The following ADARB2 variants were observed in gnomAD, a reference collection of about 807,000 sequenced individuals.
ADARB2 encodes inactive double-stranded RNA-specific editase B2.
In ADARB2, 25 loss-of-function variants were observed where a neutral mutation model predicts 62.2. The ratio of observed to expected loss-of-function variants is 0.40; its 90% CI spans 0.29 to 0.56. The LOEUF is 0.56. Ranked by LOEUF, ADARB2 falls within the 20% of genes least tolerant of loss-of-function variation. The pLI, the probability that ADARB2 is intolerant of heterozygous loss-of-function variation, is 0.43. For synonymous variants in ADARB2, 572 were observed against 500.8 expected, an observed-to-expected ratio of 1.14 and a Z score of -1.90; for missense variants, 1,071 against 1,077.4, an observed-to-expected ratio of 0.99 and a Z score of 0.08.
At chr10:1,674,708 C>CA (rs1834439352) in intron 1 of ADARB2, among the ~76,000 whole-genome samples, 1 of 152,184 alleles carries the variant, frequency 6.6e-6, no homozygotes, top group African/African-American at 2.4e-5. Context: ...ACCTTCCACT[C>CA]ACTCATCAAC....
At chr10:1,271,908 T>C (rs893736869) in intron 3 of ADARB2, among the ~76,000 whole-genome samples, 6 of 152,232 alleles carry the variant, frequency 3.9e-5, no homozygotes, top group Admixed American at 3.3e-4. Flanking sequence ...GTTCTGCCAC[T>C]CAGGAGCCTG....
intron 3 of ADARB2, among the ~76,000 whole-genome samples, chr10:1,345,371 C>T (rs1832071538): frequency 6.6e-6 from 1 of 152,206 alleles, no homozygotes; most frequent in Non-Finnish European, 1.5e-5. Flanking sequence ...TTGCTCCGGA[C>T]ACCCAGCTGG....
intron 1 of ADARB2, among the ~76,000 whole-genome samples, chr10:1,468,894 G>T (rs925380039): frequency 2.0e-5 from 3 of 152,026 alleles, no homozygotes; most frequent in African/African-American, 7.3e-5. Flanking sequence ...GAAGAAGCCT[G>T]CAGGATCCAC....
Position 1,203,218 on chromosome 10 carries a change from T to C in ADARB2, c.1683-3071A>G, listed in dbSNP as rs533460620. 7.1e-4 allele frequency among the ~76,000 whole-genome samples: 108 copies of C among 152,304 alleles called. 1 individual carries two copies. Among genetic ancestry groups the C allele is most frequent in the Admixed American group, 2.3e-3 (35 of 15,312 alleles). ...TATATTTTTGTCTCTTTGTCAGTCA[T>C]TGAAATACCACAGATAAGTGGGGAA... On this transcript the variant is annotated intron_variant, in intron 7 of 9. Transcript: ENST00000381312.
chr10:1,556,827 G>A (rs754704953), intron 1 of ADARB2: 2 of 534,308 alleles, frequency 3.7e-6, no homozygotes, highest in Admixed American at 3.9e-5. Flanking sequence ...GCAGACACTT[G>A]CTCTGCTGCA....
intron 3 of ADARB2, among the ~76,000 whole-genome samples, chr10:1,314,581 G>A (rs987325084): frequency 3.3e-5 from 5 of 152,174 alleles, no homozygotes; most frequent in African/African-American, 4.8e-5. Flanking sequence ...CCTTCCGGCC[G>A]CTTCTGACCC....
At chr10:1,467,180 ACT>A (rs901301541) in intron 1 of ADARB2, among the ~76,000 whole-genome samples, 2 of 151,982 alleles carry the variant, frequency 1.3e-5, no homozygotes, top group Admixed American at 6.6e-5. Flanking sequence ...CATGGCAGTC[ACT>A]CTGTTTCTAT....
At position 1,737,421 on chromosome 10, in the gene ADARB2, C is replaced by T. The variant is rs1392246064; in HGVS notation, c.-271G>A. On this transcript the variant is annotated 5_prime_UTR_variant, in exon 1 of 10. Transcript: ENST00000381312. The stretch of plus-strand genomic sequence containing the variant: ...GAGGGCGGGGAAGGGCGCGCGGCGT[C>T]CTGAGTGCTCCGAGCTTCCCGCGGG... The T allele has an allele frequency of 2.2e-6, 1 of 453,110 alleles. No homozygotes were observed. The highest frequency in any genetic ancestry group is 4.0e-6 in the Non-Finnish European group (1 of 250,370). The allele number at this position is 453,110 out of a possible 1,614,324, so 28.1% of individuals were successfully genotyped here.
chr10:1,419,374 C>T (rs1832834197), intron 1 of ADARB2, among the ~76,000 whole-genome samples: 1 of 152,092 alleles, frequency 6.6e-6, no homozygotes, highest in Non-Finnish European at 1.5e-5. Context: ...GAATCTACTC[C>T]CAATTTAATA....
intron 1 of ADARB2, among the ~76,000 whole-genome samples, chr10:1,639,968 GGAACCACTCA>G (rs1833961176): frequency 6.6e-6 from 1 of 152,156 alleles, no homozygotes; most frequent in African/African-American, 2.4e-5. Flanking sequence ...GGTTCTTTGT[GGAACCACTCA>G]GAAAAAAACT....
chr10:1,263,895 C>G (rs934235730), intron 4 of ADARB2, among the ~76,000 whole-genome samples: 1 of 152,164 alleles, frequency 6.6e-6, no homozygotes, highest in Non-Finnish European at 1.5e-5. Flanking sequence ...TTCTTTTCCT[C>G]TCCATTTTGA....
At position 1,398,949 on chromosome 10, in the gene ADARB2, G is replaced by A. The variant is rs890718877; in HGVS notation, c.101-19789C>T. On this transcript the variant is annotated intron_variant, in intron 1 of 9. Transcript: ENST00000381312. This position sits in a 1 kb window ranked among gnomAD's most constrained non-coding sequence, Gnocchi z 4.1. ...CGAAGAGCCTTCCAGGGACTTCTAA[G>A]AGTGGGCACTTACTTCAGCCCTGGG... Among the ~76,000 whole-genome samples, 3 of 152,196 alleles carry A rather than the reference G, an allele frequency of 2.0e-5. No individual in the cohort carries two copies. The highest frequency in any genetic ancestry group is 7.2e-5 in the African/African-American group (3 of 41,458).
chr10:1,597,210 G>A (rs946718770), intron 1 of ADARB2, among the ~76,000 whole-genome samples: 1 of 152,090 alleles, frequency 6.6e-6, no homozygotes, highest in Admixed American at 6.6e-5. Context: ...GAAGCCCTCT[G>A]GGTGTTTTTC....
intron 3 of ADARB2, among the ~76,000 whole-genome samples, chr10:1,314,089 C>T (rs1171069420): frequency 6.6e-6 from 1 of 152,244 alleles, no homozygotes; most frequent in African/African-American, 2.4e-5. Context: ...TCGGAGACAT[C>T]GGCCCTGGCC....
chr10:1,206,882 G>A (rs966092609), intron 7 of ADARB2, among the ~76,000 whole-genome samples: 1 of 152,220 alleles, frequency 6.6e-6, no homozygotes, highest in South Asian at 2.1e-4. Context: ...TCTGGGCCGG[G>A]TCCCCCCAGG....
chr10:1,449,662 T>G (rs2820622), intron 1 of ADARB2, among the ~76,000 whole-genome samples: 19,190 of 152,096 alleles, frequency 0.13, 1,299 homozygotes, highest in South Asian at 0.18. Context: ...CAGGACCTCA[T>G]GGGAAGAAAT....
intron 3 of ADARB2, among the ~76,000 whole-genome samples, chr10:1,288,074 A>G (rs1195111081): frequency 6.6e-6 from 1 of 152,240 alleles, no homozygotes; most frequent in Non-Finnish European, 1.5e-5. Flanking sequence ...CTGTCTCTGA[A>G]GCCCTACCCT....
intron 1 of ADARB2, among the ~76,000 whole-genome samples, chr10:1,643,495 G>T (rs1441167082): frequency 6.6e-6 from 1 of 152,174 alleles, no homozygotes; most frequent in African/African-American, 2.4e-5. Flanking sequence ...GGGGGCTAGG[G>T]TTACTTCATG....
intron 1 of ADARB2, among the ~76,000 whole-genome samples, chr10:1,588,802 A>C (rs1833211810): frequency 6.6e-6 from 1 of 152,164 alleles, no homozygotes; most frequent in Admixed American, 6.5e-5. Flanking sequence ...CATGAGAAAA[A>C]GATGTGGAGA....
Sources: gnomAD v4.1 joint callset for allele counts (sites outside exome capture counted in the v4.1 genomes callset) on GRCh38, gnomAD v4.1.1 for gene constraint, Gnocchi (gnomAD v3.1) non-coding constraint, MANE v1.5 for transcripts, NCBI Gene and HGNC (gene_info 2026-07-23, HGNC 2026-07-21) for gene names.